HS1BP3: variants seen among roughly 807,000 people sequenced by gnomAD.
HS1BP3 encodes the protein HCLS1-binding protein 3.
In HS1BP3, 32 loss-of-function variants were observed where a neutral mutation model predicts 33.5. The observed-to-expected ratio is 0.95, with a 90% CI of 0.72 to 1.28. The LOEUF is 1.28. Among genes scored for constraint, HS1BP3 ranks in the 50% most tolerant of loss-of-function variants. The pLI is 0.00. For missense variants in HS1BP3, 486 were observed against 502.3 expected (o/e 0.97, Z 0.31); for synonymous variants, 187 against 209.2 (o/e 0.89, Z 0.92).
At chr2:20,641,815 C>G (rs1695360178) in intron 2 of HS1BP3, among the ~76,000 whole-genome samples, 1 of 152,218 alleles carries the variant, frequency 6.6e-6, no homozygotes, top group Non-Finnish European at 1.5e-5. Flanking sequence ...GGGCCAGCGG[C>G]TGACTCCCGC....
intron 4 of HS1BP3, among the ~76,000 whole-genome samples, chr2:20,634,042 C>T (rs1019030303): frequency 6.6e-6 from 1 of 152,242 alleles, no homozygotes; most frequent in African/African-American, 2.4e-5. Flanking sequence ...TCGTGGCCCC[C>T]ACATGAACCC....
chr2:20,572,444 CTTTAAG>C (rs1393577632), intron 5 of HS1BP3, among the ~76,000 whole-genome samples: 1 of 152,186 alleles, frequency 6.6e-6, no homozygotes. Flanking sequence ...TGATTTAGAA[CTTTAAG>C]TTTGTTATAC....
chr2:20,577,649 A>C (rs1056444422), intron 5 of HS1BP3, among the ~76,000 whole-genome samples: 2 of 152,142 alleles, frequency 1.3e-5, no homozygotes, highest in African/African-American at 2.4e-5. Context: ...CTGTGGCTGC[A>C]GCCTGGGAGG....
At chr2:20,562,270 G>T (rs57365562) in intron 5 of HS1BP3, among the ~76,000 whole-genome samples, 5,932 of 152,204 alleles carry the variant, frequency 0.039, 377 homozygotes, top group African/African-American at 0.14. Context: ...CTTGAAGCTA[G>T]GAGTTTGACA....
chr2:20,631,650 C>A (rs955656424), intron 4 of HS1BP3, among the ~76,000 whole-genome samples: 1 of 151,740 alleles, frequency 6.6e-6, no homozygotes, highest in African/African-American at 2.4e-5. Context: ...AGAGCCCACT[C>A]TCCTGGCCAC....
At chr2:20,606,284 G>C in intron 2 of HS1BP3, 1 of 428,578 alleles carries the variant, frequency 2.3e-6, no homozygotes, top group Non-Finnish European at 4.6e-6. Flanking sequence ...ACCTGTTCAT[G>C]CGTCTTCACC....
intron 4 of HS1BP3, 41 bp downstream of exon 4, chr2:20,638,395 G>C (rs775412240): frequency 8.9e-6 from 14 of 1,575,684 alleles, no homozygotes; most frequent in Non-Finnish European, 1.2e-5. Flanking sequence ...CAGAAAGCCT[G>C]GAATACACCA....
intron 4 of HS1BP3, chr2:20,637,256 A>T (rs1558347231): frequency 6.6e-6 from 1 of 152,296 alleles, no homozygotes; most frequent in East Asian, 1.9e-4. Context: ...ACTCAGAACA[A>T]CAGAGAATGT....
chr2:20,581,814 C>T (rs544090761), intron 5 of HS1BP3, among the ~76,000 whole-genome samples: 2 of 152,320 alleles, frequency 1.3e-5, no homozygotes, highest in Admixed American at 6.5e-5. Context: ...CTATGCACTA[C>T]CTTGCAGCTG....
At chr2:20,567,805 T>A (rs138965052) in intron 5 of HS1BP3, among the ~76,000 whole-genome samples, 93 of 152,306 alleles carry the variant, frequency 6.1e-4, no homozygotes, top group Non-Finnish European at 1.1e-3. Flanking sequence ...GGACCCACAG[T>A]GTCCCTTCCG....
At chr2:20,565,319 G>C (rs1342722469) in intron 5 of HS1BP3, among the ~76,000 whole-genome samples, 1 of 152,192 alleles carries the variant, frequency 6.6e-6, no homozygotes, top group African/African-American at 2.4e-5. Context: ...TCTCACCCAA[G>C]ACTGTGGCTC....
intron 4 of HS1BP3, among the ~76,000 whole-genome samples, chr2:20,633,927 G>A (rs1695042233): frequency 6.6e-6 from 1 of 152,278 alleles, no homozygotes; most frequent in African/African-American, 2.4e-5. Context: ...CTGCAGGGCA[G>A]CTGTGGCACC....
chr2:20,643,214 G>A (rs1443449284), intron 2 of HS1BP3, among the ~76,000 whole-genome samples: 8 of 152,140 alleles, frequency 5.3e-5, no homozygotes, highest in Admixed American at 1.3e-4. Flanking sequence ...AGGAGTGGGC[G>A]TCACTGCCTA....
At chr2:20,626,597 G>C (rs1266523460) in intron 4 of HS1BP3, among the ~76,000 whole-genome samples, 1 of 152,236 alleles carries the variant, frequency 6.6e-6, no homozygotes, top group African/African-American at 2.4e-5. Flanking sequence ...TGGGGAGAAA[G>C]TGGCATGTTT....
chr2:20,557,254 T>C (rs948950577), downstream of HS1BP3, among the ~76,000 whole-genome samples: 1 of 152,226 alleles, frequency 6.6e-6, no homozygotes, highest in Non-Finnish European at 1.5e-5. Flanking sequence ...TAAGATCTTA[T>C]CATTGGCCTT....
At chr2:20,554,942 C>T in the HS1BP3 span, among the ~76,000 whole-genome samples, 6 of 152,194 alleles carry the variant, frequency 3.9e-5, no homozygotes, top group South Asian at 2.1e-4. Context: ...CCCACCGTGG[C>T]CACCTTTCCA....
chr2:20,585,608 A>G (rs779620480), intron 5 of HS1BP3, among the ~76,000 whole-genome samples: 10 of 152,178 alleles, frequency 6.6e-5, no homozygotes, highest in African/African-American at 1.4e-4. Context: ...TTGCCACAAC[A>G]TCAGATTTCC....
At chr2:20,610,663 T>C (rs1348196910) in intron 2 of HS1BP3, among the ~76,000 whole-genome samples, 2 of 152,192 alleles carry the variant, frequency 1.3e-5, no homozygotes, top group East Asian at 1.9e-4. Flanking sequence ...GTCTTGGTAA[T>C]TGTGAATCAA....
At chr2:20,644,078 G>A (rs996946038) in intron 2 of HS1BP3, among the ~76,000 whole-genome samples, 1 of 152,196 alleles carries the variant, frequency 6.6e-6, no homozygotes, top group Non-Finnish European at 1.5e-5. Flanking sequence ...ACTCCCTGCT[G>A]TACTTCGGGG....
Sources: allele counts gnomAD v4.1 joint callset (sites outside exome capture counted in the v4.1 genomes callset), GRCh38; gene constraint gnomAD v4.1.1; transcripts MANE v1.5; gene names NCBI Gene and HGNC (gene_info 2026-07-23, HGNC 2026-07-21).